DGKH: variants seen among roughly 807,000 people sequenced by gnomAD.
DGKH encodes DAG kinase eta.
Under a neutral mutation model 159.3 loss-of-function variants are expected in DGKH, and 90 were observed. The ratio of observed to expected loss-of-function variants is 0.57; its 90% CI spans 0.48 to 0.67. The LOEUF is 0.67. Among genes scored for constraint, DGKH ranks in the 30% least tolerant of loss-of-function variants. The pLI, the probability that DGKH is intolerant of heterozygous loss-of-function variation, is 0.00. For missense variants in DGKH, 1,181 were observed against 1,506.1 expected (o/e 0.78, Z 3.57); for synonymous variants, 536 against 553.8 (o/e 0.97, Z 0.45).
At chr13:42,172,648 C>T (rs2138036037) in intron 11 of DGKH, among the ~76,000 whole-genome samples, 1 of 152,172 alleles carries the variant, frequency 6.6e-6, no homozygotes, top group South Asian at 2.1e-4. Context: ...TTTTATTATG[C>T]TTTGTTTCTG....
At position 42,142,905 on chromosome 13, in the gene DGKH, T is replaced by C. The variant is rs1052709574; in HGVS notation, c.385-12386T>C. ...CCGTTTATTTCCTTCTCCTGCCTAATTGCCCTGGCCAGAACTTCCAACACT... is the reference window on the plus strand; with the variant it reads ...CCGTTTATTTCCTTCTCCTGCCTAACTGCCCTGGCCAGAACTTCCAACACT... On this transcript the variant is annotated intron_variant, in intron 3 of 29. Transcript: ENST00000337343. Among the ~76,000 whole-genome samples, 8 of 152,308 alleles carry C rather than the reference T, an allele frequency of 5.3e-5. No homozygotes were observed. In the East Asian group the frequency reaches 1.5e-3, roughly 29 times the overall value.
intron 1 of DGKH, among the ~76,000 whole-genome samples, chr13:42,060,393 T>C (rs1007724150): frequency 1.3e-5 from 2 of 152,216 alleles, no homozygotes; most frequent in Non-Finnish European, 2.9e-5. Context: ...CCTGTACTTC[T>C]GAGATCTGGG....
At chr13:42,244,029 C>G (rs1223464473), downstream of DGKH, among the ~76,000 whole-genome samples, 1 of 149,506 alleles carries the variant, frequency 6.7e-6, no homozygotes, top group Non-Finnish European at 1.5e-5. Context: ...ATGGACTGTA[C>G]TTGAGATTGG....
At chr13:42,141,045 T>C (rs1222172808) in intron 3 of DGKH, among the ~76,000 whole-genome samples, 1 of 3,602 alleles carries the variant, frequency 2.8e-4, no homozygotes, top group Non-Finnish European at 1.3e-3. Context: ...ATGCTATCCC[T>C]CCCCCCTCCC....
rs1955194474 is a variant in DGKH, at chr13:42,127,560, C to A, written c.290C>A (p.Ala97Glu). The A allele has an allele frequency of 6.2e-7, 1 of 1,612,798 alleles. No homozygotes were observed. The highest frequency in any genetic ancestry group is 1.3e-5 in the African/African-American group (1 of 74,848). The stretch of plus-strand genomic sequence containing the variant: ...CTTCGAGGCCGCACCCTTTACTATG[C>A]AAAGGACTCAAAGGTAACTCACGAG... ...FKLRGRTLYY[A>E]KDSKSLIFDE... Residue 97 changes from alanine to glutamate, a missense_variant, in exon 2 of 30, where the codon GCA becomes GAA. Physicochemically the swap from Ala to Glu is moderately radical, Grantham distance 107. Around this residue, in one of 5 missense-constraint regions of DGKH, gnomAD observed 369 missense variants for 519.4 expected, o/e 0.71. Transcript: ENST00000337343.
At chr13:42,218,106 A>T (rs910472060) in intron 26 of DGKH, among the ~76,000 whole-genome samples, 5 of 152,206 alleles carry the variant, frequency 3.3e-5, no homozygotes, top group African/African-American at 1.2e-4. Flanking sequence ...CCTGAAGTCA[A>T]TTAACCTTCC....
intron 3 of DGKH, among the ~76,000 whole-genome samples, chr13:42,150,579 A>C (rs565317593): frequency 6.6e-6 from 1 of 152,326 alleles, no homozygotes; most frequent in South Asian, 2.1e-4. Context: ...CCTTCTGTTT[A>C]TTTATCAAAA....
intron 3 of DGKH, among the ~76,000 whole-genome samples, chr13:42,134,706 C>G (rs1955364318): frequency 6.6e-6 from 1 of 151,982 alleles, no homozygotes; most frequent in South Asian, 2.1e-4. Context: ...CCTGTCTCTA[C>G]TAAATACAAA....
intron 12 of DGKH, among the ~76,000 whole-genome samples, chr13:42,175,267 G>A (rs151338823): frequency 2.6e-5 from 4 of 152,210 alleles, no homozygotes; most frequent in Non-Finnish European, 4.4e-5. Flanking sequence ...CATAAAAACT[G>A]CTGATAGCCA....
chr13:42,159,397 C>A (rs368973172), intron 6 of DGKH, 25 bp downstream of exon 6: 1 of 1,461,868 alleles, frequency 6.8e-7, no homozygotes, highest in Non-Finnish European at 9.6e-7. Context: ...TGTCTCTGCT[C>A]TCTTCCCACT....
Position 42,249,911 on chromosome 13 carries a change from G to T in DGKH, n.4055-2498G>T, listed in dbSNP as rs192446511. On this transcript the variant is annotated intron_variant and non_coding_transcript_variant, in intron 29 of 30. Transcript: ENST00000498255. The stretch of plus-strand genomic sequence containing the variant: ...CTTCATTGATTCTTACCTGTGGCCA[G>T]GATTAGGGATCACTGATTTGATCCA... 2.8e-4 allele frequency among the ~76,000 whole-genome samples: 43 copies of T among 152,218 alleles called. No individual in the cohort carries two copies. The East Asian group carries it at 7.3e-3, about 26-fold the overall frequency.
At chr13:42,130,694 G>A (rs999102116) in intron 3 of DGKH, among the ~76,000 whole-genome samples, 2 of 152,106 alleles carry the variant, frequency 1.3e-5, no homozygotes, top group Non-Finnish European at 2.9e-5. Flanking sequence ...GCGGTGCCAT[G>A]ATAGAGGTGA....
chr13:42,189,051 G>A lies in DGKH; in HGVS notation c.1654G>A (p.Glu552Lys), dbSNP rs1305244348. ...AVASKCSVLNEKLEQLLQALH... is the reference protein window; with the variant it reads ...AVASKCSVLNKKLEQLLQALH... Reference sequence around the variant, plus strand: ...TTCCTCTCAGTGTTCAGTCCTAAACGAGAAGCTCGAACAACTGCTGCAGGC... The same window carrying A: ...TTCCTCTCAGTGTTCAGTCCTAAACAAGAAGCTCGAACAACTGCTGCAGGC... The change falls in exon 15 of 30, where the codon GAG (glutamate) becomes AAG (lysine). Residue 552 changes from glutamate to lysine, a missense_variant. This residue lies in a region of DGKH where 257 missense variants were observed against 281.5 expected (regional missense o/e 0.91). Transcript: ENST00000337343. 1.3e-5 allele frequency: 21 copies of A among 1,614,010 alleles called. No homozygotes were observed. The highest frequency in any genetic ancestry group is 6.7e-5 in the African/African-American group (5 of 74,928).
intron 1 of DGKH, among the ~76,000 whole-genome samples, chr13:42,050,918 A>G (rs1354473660): frequency 6.6e-6 from 1 of 152,220 alleles, no homozygotes; most frequent in Non-Finnish European, 1.5e-5. Context: ...AATGGTCAAA[A>G]TTCCATGCAT....
chr13:42,243,348 C>G (rs370086649), downstream of DGKH, among the ~76,000 whole-genome samples: 26 of 152,228 alleles, frequency 1.7e-4, no homozygotes, highest in Admixed American at 4.6e-4. Context: ...CTTCTTATTG[C>G]TGAGTAGTCT....
downstream of DGKH, among the ~76,000 whole-genome samples, chr13:42,245,471 A>G (rs146105036): frequency 6.6e-6 from 1 of 152,334 alleles, no homozygotes; most frequent in Non-Finnish European, 1.5e-5. Flanking sequence ...AATTGATCAT[A>G]TGTAAAGGCA....
chr13:42,177,507 A>G lies in DGKH; in HGVS notation c.1453-628A>G, dbSNP rs1956635006. Among the ~76,000 whole-genome samples the G allele has an allele frequency of 1.3e-5, 2 of 152,208 alleles. 1 individual carries two copies. Among genetic ancestry groups the G allele is most frequent in the South Asian group, 4.1e-4 (2 of 4,834 alleles). ...AATTTTGCATTTCTTTTGGGTGTAG[A>G]TATAGAAGTTGAATTTCTGAGTCCT... On this transcript the variant is annotated intron_variant, in intron 12 of 29. Transcript: ENST00000337343.
intron 26 of DGKH, among the ~76,000 whole-genome samples, chr13:42,218,826 C>A (rs553646047): frequency 1.2e-3 from 181 of 152,082 alleles, no homozygotes; most frequent in Non-Finnish European, 2.1e-3. Context: ...CTATTTAAAT[C>A]AGAAGGATTT....
intron 17 of DGKH, among the ~76,000 whole-genome samples, chr13:42,196,844 G>A (rs1410579776): frequency 6.6e-6 from 1 of 152,180 alleles, no homozygotes; most frequent in African/African-American, 2.4e-5. Flanking sequence ...GAAACAAACT[G>A]GTTCTGGAAA....
Sources: gnomAD v4.1 joint callset for allele counts (sites outside exome capture counted in the v4.1 genomes callset) on GRCh38, gnomAD v4.1.1 for gene constraint, gnomAD v4.1.1 regional missense constraint, MANE v1.5 for transcripts, NCBI Gene and HGNC (gene_info 2026-07-23, HGNC 2026-07-21) for gene names.